Variants in USP2 observed in about 807,000 individuals in gnomAD.
USP2 encodes the protein ubiquitin specific peptidase 2, also known as ubiquitin carboxyl-terminal hydrolase 2.
In USP2, 33 loss-of-function variants were observed where a neutral mutation model predicts 72.0. The ratio of observed to expected loss-of-function variants is 0.46; its 90% CI spans 0.35 to 0.61. The LOEUF (loss-of-function observed/expected upper bound fraction) is 0.61, where lower values mean the gene tolerates loss of function less well. Among genes scored for constraint, USP2 ranks in the 20% least tolerant of loss-of-function variants. USP2 has a pLI of 0.01. For missense variants in USP2, 691 were observed against 797.8 expected, an observed-to-expected ratio of 0.87 and a Z score of 1.61; for synonymous variants, 296 against 312.5, an observed-to-expected ratio of 0.95 and a Z score of 0.56.
intron 2 of USP2, among the ~76,000 whole-genome samples, chr11:119,371,815 A>G (rs1256842152): frequency 1.3e-5 from 2 of 149,542 alleles, no homozygotes; most frequent in Admixed American, 1.3e-4. Context: ...CCACCCACCC[A>G]CCACCCACAC....
At chr11:119,372,033 C>G (rs1950934748) in intron 2 of USP2, among the ~76,000 whole-genome samples, 1 of 152,196 alleles carries the variant, frequency 6.6e-6, no homozygotes, top group South Asian at 2.1e-4. Context: ...CCCATGCCAG[C>G]CCTTGGTCAG....
Position 119,358,231 on chromosome 11 carries a change from T to C in USP2, c.1259A>G (p.Lys420Arg), listed in dbSNP as rs1277497382. ...ACAATCTGTACACGTCAGCGAGCTC[T>C]TTAGCTGCCCAACAAAGAGATCTGG... Reference protein sequence around the residue: ...RIGDLFVGQLKSSLTCTDCGY... With the variant: ...RIGDLFVGQLRSSLTCTDCGY... Residue 420 changes from lysine (K) to arginine (R), a missense_variant, in exon 8 of 13, where the codon AAG becomes AGG. By Grantham distance (26) the Lys-to-Arg change is conservative (BLOSUM62 2). Transcript: ENST00000260187. 1 of 1,613,456 alleles carries C rather than the reference T, an allele frequency of 6.2e-7. No homozygotes were observed.
intron 2 of USP2, among the ~76,000 whole-genome samples, chr11:119,370,288 A>G (rs1950909687): frequency 6.6e-6 from 1 of 152,236 alleles, no homozygotes; most frequent in Admixed American, 6.5e-5. Flanking sequence ...AGAAGGGTAC[A>G]ACAACGAGGA....
At chr11:119,378,950 T>A in intron 1 of USP2, 1 of 982,828 alleles carries the variant, frequency 1.0e-6, no homozygotes, top group Non-Finnish European at 1.2e-6. Context: ...TTCACTGATG[T>A]CTTTCCTCTA....
In USP2 at chr11:119,372,685, C is replaced by G. The variant is rs547724826; in HGVS notation, c.774+22G>C. ...AGTGGCTGCCTCCCCAGCCTATCCC[C>G]GGTCCCCAAGGGTAAACTCACCATG... On this transcript the variant is annotated intron_variant, in intron 2 of 12. Transcript: ENST00000260187. The G allele has an allele frequency of 4.6e-5, 70 of 1,507,334 alleles. 1 individual carries two copies. In the East Asian group the frequency reaches 1.5e-3, roughly 33 times the overall value. 93.4% of individuals were successfully genotyped at this position (1,507,334 alleles called of 1,614,324 possible).
At chr11:119,371,255 G>C (rs1373547568) in intron 2 of USP2, among the ~76,000 whole-genome samples, 1 of 152,058 alleles carries the variant, frequency 6.6e-6, no homozygotes, top group Non-Finnish European at 1.5e-5. Flanking sequence ...CCCCGCAGAG[G>C]CTTCTAGGAC....
Position 119,358,261 on chromosome 11 carries a change from G to C in USP2, c.1238-9C>G. 6.2e-7 allele frequency: 1 copy of C among 1,612,050 alleles called. No homozygotes were observed. The highest frequency in any genetic ancestry group is 8.5e-7 in the Non-Finnish European group (1 of 1,179,424). ...CTGCCCAACAAAGAGATCTGGGGAA[G>C]AGAAGGCCATGAGATGCTGAAATAC... On this transcript the variant is annotated splice_polypyrimidine_tract_variant and intron_variant, in intron 7 of 12. Coordinates refer to ENST00000260187, the MANE Select transcript of USP2 (RefSeq NM_004205.5).
chr11:119,379,731 G>A (rs1010583472), intron 1 of USP2, among the ~76,000 whole-genome samples: 13 of 152,118 alleles, frequency 8.5e-5, no homozygotes, highest in Non-Finnish European at 1.8e-4. Context: ...GTCTATCTCA[G>A]TTGTGAGGAT....
chr11:119,380,405 C>T (rs558102481), intron 1 of USP2, among the ~76,000 whole-genome samples: 44 of 152,198 alleles, frequency 2.9e-4, no homozygotes, highest in African/African-American at 9.9e-4. Context: ...CAGCTTCCCC[C>T]AGGCCACCAG....
intron 7 of USP2, 135 bp from the exon 8 acceptor site, chr11:119,358,387 G>GCTCACAACAACCTCTGC (rs1950708213): frequency 1.1e-5 from 9 of 789,870 alleles, no homozygotes; most frequent in Non-Finnish European, 1.4e-5. Flanking sequence ...TGCAATCTCA[G>GCTCACAACAACCTCTGC]CTCACAACAA....
intron 12 of USP2, 48 bp from the exon 13 acceptor site, chr11:119,356,970 C>G (rs1166277027): frequency 1.3e-6 from 2 of 1,541,244 alleles, no homozygotes; most frequent in Non-Finnish European, 1.8e-6. Context: ...GACCGGGAGA[C>G]CCCCCGCCGG....
intron 1 of USP2, among the ~76,000 whole-genome samples, chr11:119,374,273 A>G (rs1379907234): frequency 6.6e-6 from 1 of 152,320 alleles, no homozygotes; most frequent in East Asian, 1.9e-4. Flanking sequence ...TTCCTCTACC[A>G]ACACAGGCTT....
In USP2 at chr11:119,363,770, G is replaced by A. The variant is rs577506578; in HGVS notation, c.775-3536C>T. ...GAAGAATCCGTCCCCTCACCTAGGGGCGCGTGGCGGGCAGAGGCCAGGGAG... is the reference window on the plus strand; with the variant it reads ...GAAGAATCCGTCCCCTCACCTAGGGACGCGTGGCGGGCAGAGGCCAGGGAG... On this transcript the variant is annotated intron_variant, in intron 2 of 12. Coordinates refer to ENST00000260187, the MANE Select transcript of USP2 (RefSeq NM_004205.5). The A allele has an allele frequency of 3.0e-5, 35 of 1,149,446 alleles. 1 individual carries two copies. In the South Asian group the frequency reaches 7.0e-4, roughly 23 times the overall value. The allele number at this position is 1,149,446 out of a possible 1,614,324, so 71.2% of individuals were successfully genotyped here.
chr11:119,364,176 G>A (rs1950814911), intron 2 of USP2: 1 of 1,191,962 alleles, frequency 8.4e-7, no homozygotes, highest in Non-Finnish European at 1.0e-6. Flanking sequence ...GCCGCCAACA[G>A]CCCGGGTCCC....
chr11:119,356,843 G>A lies in USP2; in HGVS notation c.1810C>T (p.Arg604Ter). ...GGACGTGGCTCCTGGCGCTACATTC[G>A]GGAGGGCGGGCTGGCCAGTTCGTAG... Reference protein sequence around the residue: ...LFYELASPPSRM With the variant: ...LFYELASPPS The change falls in exon 13 of 13, where the codon CGA becomes TGA. Residue 604 changes from arginine (R) to a stop codon, truncating the protein, a stop_gained. Transcript: ENST00000260187. LOFTEE classifies it high-confidence loss of function. The A allele has an allele frequency of 1.3e-6, 2 of 1,563,516 alleles. No individual in the cohort carries two copies. Among genetic ancestry groups the A allele is most frequent in the Non-Finnish European group, 8.7e-7 (1 of 1,154,150 alleles).
intron 7 of USP2, 97 bp from the exon 8 acceptor site, chr11:119,358,349 C>T: frequency 8.6e-7 from 1 of 1,159,044 alleles, no homozygotes; most frequent in Non-Finnish European, 1.2e-6. Flanking sequence ...TGGAGTTTTG[C>T]TCTGTCCCCC....
chr11:119,379,407 T>A, intron 1 of USP2: 2 of 721,180 alleles, frequency 2.8e-6, no homozygotes, highest in Non-Finnish European at 3.4e-6. Context: ...ATGGAGAAAG[T>A]GGATTTTCCA....
In USP2 at chr11:119,358,191, C is replaced by G. The variant is rs761647507; in HGVS notation, c.1299G>C (p.Thr433=). ...LTCTDCGYCS[T]VFDPFWDLSL... is the part of the protein sequence containing the mutation. ...AGAGGTCCCAGAAGGGGTCGAAGAC[C>G]GTAGAACAGTAACCACAATCTGTAC... is the stretch of plus-strand genomic sequence containing the variant. The change falls in exon 8 of 13, where the codon ACG becomes ACC. Residue 433 remains threonine (T), a synonymous_variant. Transcript: ENST00000260187. 1.2e-6 allele frequency: 2 copies of G among 1,613,948 alleles called. No individual in the cohort carries two copies. The highest frequency in any genetic ancestry group is 3.3e-5 in the Admixed American group (2 of 60,010).
At position 119,358,028 on chromosome 11, in the gene USP2, T is replaced by G; in HGVS notation, c.1375A>C (p.Met459Leu). 6.2e-7 allele frequency: 1 copy of G among 1,614,200 alleles called. No homozygotes were observed. The highest frequency in any genetic ancestry group is 8.5e-7 in the Non-Finnish European group (1 of 1,180,034). Residue 459 changes from methionine (M) to leucine (L), a missense_variant, in exon 9 of 13, where the codon ATG (methionine) becomes CTG (leucine). Physicochemically the swap from Met to Leu is conservative, Grantham distance 15 (BLOSUM62 2). Coordinates refer to ENST00000260187, the MANE Select transcript of USP2 (RefSeq NM_004205.5). ...ACATCCTCTTTGGTGAAGAGCCTCA[T>G]GCAGTCCATTAATGTCACCTCAGGA... ...GYPEVTLMDCMRLFTKEDVLD... is the reference protein window; with the variant it reads ...GYPEVTLMDCLRLFTKEDVLD...
Sources: allele counts gnomAD v4.1 joint callset (sites outside exome capture counted in the v4.1 genomes callset), GRCh38; gene constraint gnomAD v4.1.1; transcripts MANE v1.5; gene names NCBI Gene and HGNC (gene_info 2026-07-23, HGNC 2026-07-21).